Variants in PSORS1C1 observed in about 807,000 individuals in gnomAD.
PSORS1C1 encodes psoriasis susceptibility 1 candidate 1, also known as psoriasis susceptibility 1 candidate gene 1 protein.
Under a neutral mutation model 9.4 loss-of-function variants are expected in PSORS1C1, and 7 were observed. That is an observed-to-expected ratio of 0.75 (90% CI 0.42 to 1.40). PSORS1C1 has a LOEUF of 1.40. PSORS1C1 is among the 40% of genes most tolerant of loss of function. PSORS1C1 has a pLI of 0.01. For synonymous variants in PSORS1C1, 63 were observed against 69.4 expected, an observed-to-expected ratio of 0.91 and a Z score of 0.46; for missense variants, 146 against 178.1, an observed-to-expected ratio of 0.82 and a Z score of 1.02.
In PSORS1C1 at chr6:31,139,564, G is replaced by A; in HGVS notation, c.168-77G>A. On this transcript the variant is annotated intron_variant, in intron 5 of 5. Coordinates refer to ENST00000259881, the MANE Select transcript of PSORS1C1 (RefSeq NM_014068.3). The surrounding 1 kb of genome is among the most constrained non-coding windows in gnomAD (Gnocchi z 5.2). ...ACCCCCGCACTGAAAGCTCCCCCTG[G>A]GGCTTCGTGCTTTCCTGGGCACTTC... is the stretch of plus-strand genomic sequence containing the variant. 1 of 1,467,836 alleles carries A rather than the reference G, an allele frequency of 6.8e-7. No homozygotes were observed. The highest frequency in any genetic ancestry group is 9.3e-7 in the Non-Finnish European group (1 of 1,078,564). The allele number at this position is 1,467,836 out of a possible 1,614,324, so 90.9% of individuals were successfully genotyped here. A position where few individuals can be genotyped will look rare whatever the true frequency, so the allele number is the denominator to read the frequency against.
chr6:31,135,267 C>T (rs377699429), intron 3 of PSORS1C1, among the ~76,000 whole-genome samples: 36 of 152,224 alleles, frequency 2.4e-4, no homozygotes, highest in East Asian at 9.6e-4. Context: ...GATGGAGTCT[C>T]ACTCTGTCTC....
intron 3 of PSORS1C1, chr6:31,133,733 C>G (rs1312793046): frequency 1.3e-5 from 2 of 152,204 alleles, no homozygotes; most frequent in Admixed American, 1.3e-4. Flanking sequence ...AATTCTGTCT[C>G]TCTCAATTTT....
intron 3 of PSORS1C1, among the ~76,000 whole-genome samples, chr6:31,134,490 A>G (rs1432692431): frequency 6.6e-6 from 1 of 151,764 alleles, no homozygotes; most frequent in Non-Finnish European, 1.5e-5. Context: ...ATTTTTTAGT[A>G]GAGACTGGGT....
intron 1 of PSORS1C1, among the ~76,000 whole-genome samples, chr6:31,121,028 C>T (rs1772432746): frequency 6.6e-6 from 1 of 152,054 alleles, no homozygotes; most frequent in Admixed American, 6.6e-5. Flanking sequence ...CACCACTCCC[C>T]AAGTACCAGG....
intron 3 of PSORS1C1, among the ~76,000 whole-genome samples, chr6:31,137,371 G>A (rs375000544): frequency 6.9e-6 from 1 of 144,036 alleles, no homozygotes; most frequent in South Asian, 2.2e-4. Context: ...GCAGAATAGC[G>A]TGAACCCGGG....
At chr6:31,138,525 C>G (rs28732101) in intron 4 of PSORS1C1, 66 bp downstream of exon 4, 1 of 1,604,544 alleles carries the variant, frequency 6.2e-7, no homozygotes, top group East Asian at 2.2e-5. Context: ...GGATCTGAAC[C>G]GTTCACTTGA....
intron 1 of PSORS1C1, among the ~76,000 whole-genome samples, chr6:31,122,672 G>T (rs993803631): frequency 5.8e-4 from 89 of 152,266 alleles, no homozygotes; most frequent in Non-Finnish European, 6.8e-4. Flanking sequence ...CCTGCTACTC[G>T]GGAGGCTGAG....
chr6:31,126,172 G>A (rs1772672609), intron 2 of PSORS1C1, among the ~76,000 whole-genome samples: 1 of 152,188 alleles, frequency 6.6e-6, no homozygotes, highest in Non-Finnish European at 1.5e-5. Flanking sequence ...CATTCCTCAC[G>A]GGTGACTGTC....
At chr6:31,118,931 C>T (rs1772316611) in intron 1 of PSORS1C1, 1 of 149,262 alleles carries the variant, frequency 6.7e-6, no homozygotes, top group African/African-American at 2.5e-5. Flanking sequence ...TAACCTCTGC[C>T]TCCTTGGTGC....
At chr6:31,131,857 A>C (rs1397868111) in intron 3 of PSORS1C1, among the ~76,000 whole-genome samples, 1 of 152,232 alleles carries the variant, frequency 6.6e-6, no homozygotes, top group Non-Finnish European at 1.5e-5. Flanking sequence ...AGTAGAAAGT[A>C]GTTGCAATAG....
chr6:31,119,172 A>G lies in PSORS1C1; in HGVS notation c.-229+4281A>G, dbSNP rs185528279. ...TGTTTTAGAAAGTGTAAAGCATTAT[A>G]TATTATGAATTATTACTGCCACTCA... On this transcript the variant is annotated intron_variant, in intron 1 of 5. Transcript: ENST00000259881. Among the ~76,000 whole-genome samples, 163 of 152,198 alleles carry G rather than the reference A, an allele frequency of 1.1e-3. 2 individuals carry two copies. The East Asian group carries it at 0.02, about 19-fold the overall frequency.
chr6:31,136,741 C>T (rs1773156703), intron 3 of PSORS1C1, among the ~76,000 whole-genome samples: 1 of 152,338 alleles, frequency 6.6e-6, no homozygotes, highest in East Asian at 1.9e-4. Context: ...CATTTCCAAC[C>T]CTCCTCCTGC....
chr6:31,131,410 G>A (rs1240406085), intron 3 of PSORS1C1, among the ~76,000 whole-genome samples: 1 of 151,634 alleles, frequency 6.6e-6, no homozygotes, highest in Non-Finnish European at 1.5e-5. Context: ...TGGCCAACAT[G>A]GTGAAACCCC....
At chr6:31,137,192 C>T (rs1198395537) in intron 3 of PSORS1C1, among the ~76,000 whole-genome samples, 8 of 151,674 alleles carry the variant, frequency 5.3e-5, no homozygotes, top group Admixed American at 3.9e-4. Flanking sequence ...CGCTGTGGCT[C>T]ACGCGTGTAA....
chr6:31,120,406 C>A (rs747213653), intron 1 of PSORS1C1: 2 of 1,588,246 alleles, frequency 1.3e-6, no homozygotes, highest in East Asian at 2.3e-5. Context: ...CCAGGGTGCC[C>A]GAGACGAGCC....
chr6:31,138,615 G>T, intron 4 of PSORS1C1, 41 bp from the exon 5 acceptor site: 1 of 1,612,494 alleles, frequency 6.2e-7, no homozygotes, highest in Non-Finnish European at 8.5e-7. Flanking sequence ...TTGTCCTCAG[G>T]CCAACCTGCA....
chr6:31,121,540 C>T (rs72858945), intron 1 of PSORS1C1, among the ~76,000 whole-genome samples: 1,524 of 152,274 alleles, frequency 0.01, 14 homozygotes, highest in Middle Eastern at 0.062. Context: ...CTGCTCTGGC[C>T]CCTGCCCCGC....
At chr6:31,133,140 T>C (rs1772993547) in intron 3 of PSORS1C1, among the ~76,000 whole-genome samples, 1 of 151,324 alleles carries the variant, frequency 6.6e-6, no homozygotes, top group Non-Finnish European at 1.5e-5. Context: ...ACTCTGGGAG[T>C]CCGTAGGCAC....
chr6:31,117,238 T>G, intron 1 of PSORS1C1: 1 of 1,612,960 alleles, frequency 6.2e-7, no homozygotes, highest in Non-Finnish European at 8.5e-7. Context: ...GGATGCACCT[T>G]GTAGACTAGA....
Sources: gnomAD v4.1 joint callset for allele counts (sites outside exome capture counted in the v4.1 genomes callset) on GRCh38, gnomAD v4.1.1 for gene constraint, Gnocchi (gnomAD v3.1) non-coding constraint, MANE v1.5 for transcripts, NCBI Gene and HGNC (gene_info 2026-07-23, HGNC 2026-07-21) for gene names.